LAMA2: variants seen among roughly 807,000 people sequenced by gnomAD.
LAMA2 encodes laminin subunit alpha 2.
A neutral mutation model predicts 364.8 loss-of-function variants in LAMA2; 269 were observed. That is an observed-to-expected ratio of 0.74 (90% CI 0.67 to 0.82). The LOEUF (loss-of-function observed/expected upper bound fraction) is 0.82. LAMA2 is among the 40% of genes least tolerant of loss of function. The probability of loss-of-function intolerance (pLI) is 0.00; values close to 1 mark genes in which losing one functional copy is unlikely to be tolerated. For missense variants in LAMA2, 3,807 were observed against 3,873.2 expected (o/e 0.98, Z 0.45); for synonymous variants, 1,379 against 1,370.6 (o/e 1.01, Z -0.14).
intron 3 of LAMA2, among the ~76,000 whole-genome samples, chr6:129,072,165 AG>A (rs1443376434): frequency 1.3e-5 from 2 of 152,154 alleles, no homozygotes; most frequent in Non-Finnish European, 2.9e-5. Context: ...AAAAAAGCAA[AG>A]AAAAGAATGC....
Position 129,362,494 on chromosome 6 carries a change from A to G in LAMA2, c.4718-3725A>G, listed in dbSNP as rs1342012080. On this transcript the variant is annotated intron_variant, in intron 32 of 64. Coordinates refer to ENST00000421865, the MANE Select transcript of LAMA2 (RefSeq NM_000426.4). ...TATTTCATGTACTTGGGCACATGCC[A>G]TGCTCAAACATTAACCCTTGCCATT... Among the ~76,000 whole-genome samples, 4 of 152,198 alleles carry G rather than the reference A, an allele frequency of 2.6e-5. 1 individual carries two copies. The highest frequency in any genetic ancestry group is 3.4e-3 in the Middle Eastern group (1 of 294).
chr6:129,060,064 C>T (rs577263604), intron 3 of LAMA2, among the ~76,000 whole-genome samples, 168 bp downstream of exon 3: 24 of 152,064 alleles, frequency 1.6e-4, no homozygotes, highest in Admixed American at 5.9e-4. Flanking sequence ...TTGTTATTTA[C>T]GAGTATTCAG....
rs1185392509 is a variant in LAMA2 at position 129,385,510 on chromosome 6, A to C, written c.5071+2277A>C. 7.2e-5 allele frequency among the ~76,000 whole-genome samples: 11 copies of C among 152,160 alleles called. 1 individual carries two copies. ...TAATAAATTGCTGTGGGAAAAGTAA[A>C]TGCTTCAGACTGACATTTATCTATT... On this transcript the variant is annotated intron_variant, in intron 35 of 64. Coordinates refer to ENST00000421865, the MANE Select transcript of LAMA2 (RefSeq NM_000426.4).
chr6:129,459,115 TA>T (rs1295326214), intron 48 of LAMA2, among the ~76,000 whole-genome samples: 1 of 151,876 alleles, frequency 6.6e-6, no homozygotes, highest in African/African-American at 2.4e-5. Flanking sequence ...ATCTAGATGG[TA>T]CAGCCTACTA....
At chr6:129,437,005 C>A (rs2114758192) in intron 41 of LAMA2, 1 of 152,052 alleles carries the variant, frequency 6.6e-6, no homozygotes, top group African/African-American at 2.4e-5. Context: ...TAACTGTGAC[C>A]AATTTCTTTA....
intron 33 of LAMA2, among the ~76,000 whole-genome samples, chr6:129,368,262 G>A (rs1042875880): frequency 4.6e-5 from 7 of 152,220 alleles, no homozygotes; most frequent in Admixed American, 3.3e-4. Flanking sequence ...GCCTTCTGCC[G>A]TGTGAGGACA....
intron 10 of LAMA2, 113 bp downstream of exon 10, chr6:129,177,979 A>C (rs1257451489): frequency 9.0e-7 from 1 of 1,105,288 alleles, no homozygotes. Context: ...GGAAGTATCC[A>C]TAATCTATTC....
chr6:129,156,208 C>T (rs183410103), intron 8 of LAMA2, among the ~76,000 whole-genome samples: 1 of 151,142 alleles, frequency 6.6e-6, no homozygotes, highest in African/African-American at 2.4e-5. Context: ...TATCATGTCA[C>T]ACATGATAAA....
intron 9 of LAMA2, among the ~76,000 whole-genome samples, chr6:129,176,908 T>G (rs963035593): frequency 6.6e-6 from 1 of 152,172 alleles, no homozygotes; most frequent in East Asian, 1.9e-4. Context: ...TTTCTGACAC[T>G]AATTCTGTCA....
intron 1 of LAMA2, among the ~76,000 whole-genome samples, chr6:128,924,600 C>A (rs1778969491): frequency 6.6e-6 from 1 of 152,156 alleles, no homozygotes; most frequent in South Asian, 2.1e-4. Flanking sequence ...CCTTCTTAAT[C>A]CCTCATATGA....
chr6:129,208,803 GAAAT>G (rs1782892659), intron 12 of LAMA2, among the ~76,000 whole-genome samples: 1 of 151,934 alleles, frequency 6.6e-6, no homozygotes. Context: ...AAAGAATAAA[GAAAT>G]AAATGCAGCA....
chr6:129,404,131 AG>A (rs1780125537), intron 40 of LAMA2, among the ~76,000 whole-genome samples, 172 bp downstream of exon 40: 1 of 152,192 alleles, frequency 6.6e-6, no homozygotes, highest in South Asian at 2.1e-4. Flanking sequence ...TAATTATAGC[AG>A]AACTCTTTTC....
chr6:129,066,038 G>GTATGTT (rs59543848), intron 3 of LAMA2, among the ~76,000 whole-genome samples: 1 of 37,116 alleles, frequency 2.7e-5, no homozygotes, highest in Non-Finnish European at 5.1e-5. Flanking sequence ...CCAGTCTCAG[G>GTATGTT]TTTTTTTTTT....
At chr6:128,942,131 C>T (rs570760322) in intron 1 of LAMA2, among the ~76,000 whole-genome samples, 143 of 152,228 alleles carry the variant, frequency 9.4e-4, no homozygotes, top group African/African-American at 3.3e-3. Context: ...ACTTGCACAG[C>T]TCTACTTATT....
rs139889878 is a variant in LAMA2 at position 129,484,052 on chromosome 6, G to A, written c.7750-2422G>A. On this transcript the variant is annotated intron_variant, in intron 55 of 64. Coordinates refer to ENST00000421865, the MANE Select transcript of LAMA2 (RefSeq NM_000426.4). ...ATACCAGGATTAAATTTTGACCTTC[G>A]GGAAAAGAACACTTGATTGAACAAA... Among the ~76,000 whole-genome samples, 160 of 152,172 alleles carry A rather than the reference G, an allele frequency of 1.1e-3. 3 individuals carry two copies. Among genetic ancestry groups the A allele is most frequent in the African/African-American group, 3.7e-3 (152 of 41,540 alleles).
intron 44 of LAMA2, among the ~76,000 whole-genome samples, chr6:129,445,466 T>C (rs1782318981): frequency 6.6e-6 from 1 of 152,228 alleles, no homozygotes; most frequent in South Asian, 2.1e-4. Flanking sequence ...TGGCCCTCTG[T>C]CCTAACATCT....
At chr6:129,447,478 C>A (rs979205018) in intron 45 of LAMA2, among the ~76,000 whole-genome samples, 8 of 152,152 alleles carry the variant, frequency 5.3e-5, no homozygotes, top group Non-Finnish European at 8.8e-5. Flanking sequence ...AAAAAGAAGT[C>A]CAGTTTGCCC....
At chr6:129,420,685 TAAA>T (rs983253733) in intron 40 of LAMA2, among the ~76,000 whole-genome samples, 10 of 152,116 alleles carry the variant, frequency 6.6e-5, no homozygotes, top group African/African-American at 2.4e-4. Flanking sequence ...TCATCTCTAA[TAAA>T]AAAGTAATTT....
At chr6:129,192,319 A>G (rs1161154193) in intron 11 of LAMA2, among the ~76,000 whole-genome samples, 7 of 152,224 alleles carry the variant, frequency 4.6e-5, no homozygotes, top group Non-Finnish European at 1.0e-4. Context: ...TGAAAGTCCA[A>G]CTGTTTGATT....
Sources: allele counts gnomAD v4.1 joint callset (sites outside exome capture counted in the v4.1 genomes callset), GRCh38; gene constraint gnomAD v4.1.1; transcripts MANE v1.5; gene names NCBI Gene and HGNC (gene_info 2026-07-23, HGNC 2026-07-21).